Variants in DNAH6 observed in about 807,000 individuals in gnomAD.
DNAH6 encodes axonemal beta dynein heavy chain 6.
DNAH6 carries 340 observed loss-of-function variants against 491.4 expected under a neutral mutation model. The ratio of observed to expected loss-of-function variants is 0.69; its 90% CI spans 0.63 to 0.76. The LOEUF (loss-of-function observed/expected upper bound fraction) is 0.76. DNAH6 is among the 30% of genes least tolerant of loss of function. DNAH6 has a pLI of 0.00. For missense variants in DNAH6, 4,443 were observed against 4,972.2 expected (o/e 0.89, Z 3.20); for synonymous variants, 1,603 against 1,686.1 (o/e 0.95, Z 1.21).
intron 4 of DNAH6, among the ~76,000 whole-genome samples, chr2:84,541,039 C>T (rs1484347164): frequency 6.6e-6 from 1 of 152,094 alleles, no homozygotes; most frequent in Non-Finnish European, 1.5e-5. Context: ...TAAAGGAAGC[C>T]TACTTTTTCT....
intron 65 of DNAH6, 107 bp from the exon 66 acceptor site, chr2:84,784,615 A>G (rs1677002679): frequency 1.4e-6 from 1 of 693,698 alleles, no homozygotes; most frequent in Non-Finnish European, 2.4e-6. Flanking sequence ...CTTTAAACAA[A>G]GCTTATAGCA....
intron 29 of DNAH6, 37 bp from the exon 30 acceptor site, chr2:84,634,467 C>T (rs933728469): frequency 4.7e-6 from 7 of 1,482,064 alleles, no homozygotes; most frequent in Non-Finnish European, 6.3e-6. Context: ...AGCTGAACTA[C>T]ACAATACAAA....
chr2:84,782,200 C>T (rs35433133), intron 65 of DNAH6, among the ~76,000 whole-genome samples: 4,099 of 152,176 alleles, frequency 0.027, 79 homozygotes, highest in South Asian at 0.061. Context: ...GAAAGTGTAA[C>T]GGGCTGCAAA....
In DNAH6 at chr2:84,739,277, G is replaced by A. The variant is rs771778742; in HGVS notation, c.10342+5698G>A. ...AGGTGCCTTTAAAGTTCTCTTTCAC[G>A]TGGACTTGGGTTAGTCCTATCCCTC... On this transcript the variant is annotated intron_variant, in intron 62 of 76. Transcript: ENST00000389394. 2.1e-4 allele frequency among the ~76,000 whole-genome samples: 32 copies of A among 152,104 alleles called. 1 individual carries two copies. In the Middle Eastern group the frequency reaches 0.01, roughly 49 times the overall value.
intron 45 of DNAH6, among the ~76,000 whole-genome samples, chr2:84,692,052 C>G (rs1694911108): frequency 6.6e-6 from 1 of 152,204 alleles, no homozygotes; most frequent in Non-Finnish European, 1.5e-5. Flanking sequence ...TGTGCCTTGT[C>G]CTGGAGGAAG....
intron 72 of DNAH6, among the ~76,000 whole-genome samples, chr2:84,811,411 G>T (rs1003536325): frequency 6.6e-6 from 1 of 152,118 alleles, no homozygotes; most frequent in African/African-American, 2.4e-5. Context: ...GGCAAACATC[G>T]CCCTGTACTC....
intron 70 of DNAH6, among the ~76,000 whole-genome samples, chr2:84,800,985 C>CT (rs947704213): frequency 2.9e-4 from 44 of 150,554 alleles, no homozygotes; most frequent in Middle Eastern, 6.8e-3. Context: ...TCTCAGTAAA[C>CT]TATCGCAAGA....
chr2:84,594,064 A>C lies in DNAH6; in HGVS notation c.2703A>C (p.Lys901Asn), dbSNP rs1318229020. Reference sequence around the variant, plus strand: ...GGGATTCTTTCTCTGAATGGGATAAACTCCAACAAGAATGGTTAAAGGTAG... The same window carrying C: ...GGGATTCTTTCTCTGAATGGGATAACCTCCAACAAGAATGGTTAAAGGTAG... ...LLWDSFSEWD[K>N]LQQEWLKSKF... is the part of the protein sequence containing the mutation. Residue 901 changes from lysine (K) to asparagine (N), a missense_variant, in exon 17 of 77, where the codon AAA (lysine) becomes AAC (asparagine). By Grantham distance (94) the Lys-to-Asn change is moderately conservative (BLOSUM62 0). Coordinates refer to ENST00000389394, the MANE Select transcript of DNAH6 (RefSeq NM_001370.2). The C allele has an allele frequency of 1.3e-6, 2 of 1,547,774 alleles. No homozygotes were observed. The highest frequency in any genetic ancestry group is 4.9e-5 in the East Asian group (2 of 40,764).
intron 64 of DNAH6, among the ~76,000 whole-genome samples, chr2:84,766,160 A>C (rs1675055395): frequency 6.6e-6 from 1 of 151,912 alleles, no homozygotes; most frequent in South Asian, 2.1e-4. Flanking sequence ...TCATGAAGCA[A>C]ACAAAAGTTG....
At chr2:84,766,521 G>T (rs894123261) in intron 64 of DNAH6, among the ~76,000 whole-genome samples, 15 of 152,104 alleles carry the variant, frequency 9.9e-5, no homozygotes, top group African/African-American at 3.6e-4. Context: ...GTAGTAATGT[G>T]GCACTTAGAG....
chr2:84,675,860 G>A (rs994878731), intron 40 of DNAH6, among the ~76,000 whole-genome samples: 12 of 151,966 alleles, frequency 7.9e-5, no homozygotes, highest in African/African-American at 1.7e-4. Flanking sequence ...GGGTTTCGTC[G>A]TGTTGCCCAA....
intron 37 of DNAH6, 108 bp downstream of exon 37, chr2:84,659,277 A>C: frequency 1.7e-6 from 1 of 590,470 alleles, no homozygotes; most frequent in Non-Finnish European, 2.5e-6. Context: ...CTTATACACT[A>C]AACTGGTTCC....
At chr2:84,791,372 A>G (rs1677725947) in intron 68 of DNAH6, among the ~76,000 whole-genome samples, 1 of 152,072 alleles carries the variant, frequency 6.6e-6, no homozygotes, top group Non-Finnish European at 1.5e-5. Context: ...GTACTGATAC[A>G]TACAACAACA....
chr2:84,793,311 C>A (rs1370565861), intron 68 of DNAH6, among the ~76,000 whole-genome samples: 2 of 152,160 alleles, frequency 1.3e-5, no homozygotes, highest in East Asian at 1.9e-4. Flanking sequence ...GAGTCATCTA[C>A]CCTGAGTCAA....
In DNAH6 at chr2:84,544,331, T is replaced by G. The variant is rs186642706; in HGVS notation, c.761T>G (p.Ile254Ser). 2.4e-5 allele frequency: 37 copies of G among 1,542,628 alleles called. No individual in the cohort carries two copies. The highest frequency in any genetic ancestry group is 3.0e-5 in the Non-Finnish European group (34 of 1,139,042). ...AATGAAGACATTGAATTTATCGAAA[T>G]TGATCGATGGGAACAGGAATATCTG... The part of the protein sequence containing the change: ...IYNEDIEFIE[I>S]DRWEQEYLYH... Residue 254 changes from isoleucine to serine, a missense_variant, in exon 5 of 77, where the codon ATT (isoleucine) becomes AGT (serine). Around this residue, in one of 3 missense-constraint regions of DNAH6, gnomAD observed 2,977 missense variants for 3,296.6 expected, o/e 0.90. Transcript: ENST00000389394.
In DNAH6 at chr2:84,762,959, G is replaced by C; in HGVS notation, c.10703+14G>C. On this transcript the variant is annotated intron_variant, in intron 64 of 76. Transcript: ENST00000389394. ...ATATTCAGAACGGTAAGTTCATGTTGTGCAGTTTTAATAATGCAAATGCAT... is the reference window on the plus strand; with the variant it reads ...ATATTCAGAACGGTAAGTTCATGTTCTGCAGTTTTAATAATGCAAATGCAT... 6.5e-7 allele frequency: 1 copy of C among 1,546,786 alleles called. No individual in the cohort carries two copies. The highest frequency in any genetic ancestry group is 2.0e-5 in the Admixed American group (1 of 50,674).
At chr2:84,517,738 T>G in intron 1 of DNAH6, 81 bp from the exon 2 acceptor site, 3 of 1,080,982 alleles carry the variant, frequency 2.8e-6, no homozygotes, top group Non-Finnish European at 4.0e-6. Context: ...TTCCTAGTCC[T>G]TAAGTCCCTC....
chr2:84,762,629 C>T (rs1019381366), intron 63 of DNAH6, 126 bp from the exon 64 acceptor site: 10 of 638,880 alleles, frequency 1.6e-5, no homozygotes, highest in Non-Finnish European at 1.9e-5. Flanking sequence ...AAGATGTATA[C>T]CCAATCAAGA....
At chr2:84,580,267 A>G (rs903119930) in intron 14 of DNAH6, among the ~76,000 whole-genome samples, 1 of 152,002 alleles carries the variant, frequency 6.6e-6, no homozygotes, top group Admixed American at 6.6e-5. Context: ...CAAATGATGC[A>G]GATGGAATCA....
Sources: allele counts gnomAD v4.1 joint callset (sites outside exome capture counted in the v4.1 genomes callset), GRCh38; gene constraint gnomAD v4.1.1; regional missense constraint gnomAD v4.1.1; transcripts MANE v1.5; gene names NCBI Gene and HGNC (gene_info 2026-07-23, HGNC 2026-07-21).